Variants in SLC9A9 observed in about 807,000 individuals in gnomAD.
SLC9A9 encodes sodium/hydrogen exchanger 9.
SLC9A9 carries 62 observed loss-of-function variants against 77.8 expected under a neutral mutation model. The observed-to-expected ratio is 0.80, with a 90% CI of 0.65 to 0.98. The LOEUF (loss-of-function observed/expected upper bound fraction) is 0.98, where lower values mean the gene tolerates loss of function less well. Among genes scored for constraint, SLC9A9 ranks in the 50% least tolerant of loss-of-function variants. The pLI, the probability that SLC9A9 is intolerant of heterozygous loss-of-function variation, is 0.00. For synonymous variants in SLC9A9, 320 were observed against 283.5 expected (o/e 1.13, Z -1.29); for missense variants, 775 against 774.9 (o/e 1.00, Z 0.00).
In SLC9A9 at chr3:143,785,845, CTTTTTTTTT is replaced by C. The variant is rs57552730; in HGVS notation, c.533+9147_533+9155del. On this transcript the variant is annotated intron_variant, in intron 4 of 15. Coordinates refer to ENST00000316549, the MANE Select transcript of SLC9A9 (RefSeq NM_173653.4). ...GAGTAATTCTAAGACTTGAATTTTT[CTTTTTTTTT>C]TTTTTTTTTTTTTTTTTTTTGAGAC... Among the ~76,000 whole-genome samples, 777 of 112,926 alleles carry C rather than the reference CTTTTTTTTT, an allele frequency of 6.9e-3. 30 individuals are homozygous for C. Among genetic ancestry groups the C allele is most frequent in the African/African-American group, 0.022 (719 of 33,036 alleles). The allele number at this position is 112,926 out of a possible 152,430, so 74.1% of individuals were successfully genotyped here.
chr3:143,517,143 C>G (rs2036214732), intron 9 of SLC9A9: 1 of 1,557,872 alleles, frequency 6.4e-7, no homozygotes, highest in African/African-American at 1.4e-5. Context: ...CCAAATTTGG[C>G]TGACAATTTA....
chr3:143,693,086 A>G (rs1933524870), intron 5 of SLC9A9, 106 bp downstream of exon 5: 1 of 851,666 alleles, frequency 1.2e-6, no homozygotes, highest in Non-Finnish European at 1.9e-6. Context: ...AGGTGAAGAA[A>G]AATAGAAATT....
chr3:143,791,614 TC>T (rs2108855385), intron 4 of SLC9A9, among the ~76,000 whole-genome samples: 1 of 152,344 alleles, frequency 6.6e-6, no homozygotes, highest in African/African-American at 2.4e-5. Context: ...TGCACAACGT[TC>T]CTGGCACCCA....
intron 9 of SLC9A9, among the ~76,000 whole-genome samples, chr3:143,543,640 T>C (rs2036730309): frequency 6.6e-6 from 1 of 152,122 alleles, no homozygotes; most frequent in African/African-American, 2.4e-5. Flanking sequence ...GAACATGTGG[T>C]ATTTGGTTTT....
intron 14 of SLC9A9, among the ~76,000 whole-genome samples, chr3:143,336,998 C>G (rs2031946345): frequency 6.6e-6 from 1 of 152,064 alleles, no homozygotes; most frequent in Non-Finnish European, 1.5e-5. Context: ...TGGCAGGGAC[C>G]ATGGTTTGCT....
chr3:143,286,378 A>C (rs1330917397), intron 14 of SLC9A9, among the ~76,000 whole-genome samples: 2 of 152,198 alleles, frequency 1.3e-5, no homozygotes, highest in African/African-American at 2.4e-5. Flanking sequence ...ACCTTCCTGC[A>C]GATTTGGAGA....
At chr3:143,349,493 C>G (rs564866021) in intron 14 of SLC9A9, among the ~76,000 whole-genome samples, 1 of 152,294 alleles carries the variant, frequency 6.6e-6, no homozygotes, top group East Asian at 1.9e-4. Flanking sequence ...TTTCTAGGCC[C>G]TATGCTATGT....
intron 12 of SLC9A9, among the ~76,000 whole-genome samples, chr3:143,449,777 AT>A (rs2034947626): frequency 1.2e-5 from 1 of 86,408 alleles, no homozygotes; most frequent in Non-Finnish European, 2.0e-5. Flanking sequence ...AATTATATAT[AT>A]TTATATATAA....
chr3:143,414,895 C>T (rs1400689031), intron 12 of SLC9A9, among the ~76,000 whole-genome samples: 1 of 152,152 alleles, frequency 6.6e-6, no homozygotes, highest in Non-Finnish European at 1.5e-5. Context: ...GCCTCTTACA[C>T]CAAACAGCCA....
intron 12 of SLC9A9, among the ~76,000 whole-genome samples, chr3:143,416,331 A>G (rs1039755299): frequency 2.6e-5 from 4 of 152,214 alleles, no homozygotes; most frequent in African/African-American, 7.2e-5. Context: ...ATAAAATTCT[A>G]TCAAGCAGCA....
At chr3:143,780,092 G>A (rs2007822681) in intron 4 of SLC9A9, among the ~76,000 whole-genome samples, 1 of 152,130 alleles carries the variant, frequency 6.6e-6, no homozygotes, top group South Asian at 2.1e-4. Context: ...TTGTAACCTA[G>A]AATAGATACC....
At chr3:143,817,975 A>C (rs962014821) in intron 2 of SLC9A9, among the ~76,000 whole-genome samples, 1 of 152,212 alleles carries the variant, frequency 6.6e-6, no homozygotes, top group Admixed American at 6.5e-5. Flanking sequence ...AGGTTATGAT[A>C]ATAAGTAAGT....
At chr3:143,344,969 T>C (rs539671181) in intron 14 of SLC9A9, among the ~76,000 whole-genome samples, 2 of 152,276 alleles carry the variant, frequency 1.3e-5, no homozygotes, top group South Asian at 2.1e-4. Context: ...GCAGTAAAAC[T>C]GGTAAAAGAT....
intron 4 of SLC9A9, among the ~76,000 whole-genome samples, chr3:143,696,633 A>T (rs1562496): frequency 0.42 from 63,786 of 151,982 alleles, 13,657 homozygotes; most frequent in South Asian, 0.6. Flanking sequence ...TCAAATATTG[A>T]ATATCAATTG....
At chr3:143,360,906 C>T (rs903696603) in intron 14 of SLC9A9, among the ~76,000 whole-genome samples, 7 of 152,150 alleles carry the variant, frequency 4.6e-5, no homozygotes, top group Non-Finnish European at 8.8e-5. Flanking sequence ...TTAATATCTG[C>T]GATTGACACT....
At chr3:143,805,488 T>A (rs1432750609) in intron 2 of SLC9A9, among the ~76,000 whole-genome samples, 1 of 152,204 alleles carries the variant, frequency 6.6e-6, no homozygotes, top group African/African-American at 2.4e-5. Context: ...GTCAGGCCTC[T>A]GAGCCCAAGC....
chr3:143,505,653 T>C (rs906355610), intron 9 of SLC9A9, among the ~76,000 whole-genome samples: 7 of 152,258 alleles, frequency 4.6e-5, no homozygotes, highest in Admixed American at 3.9e-4. Flanking sequence ...TTCATTGTCT[T>C]CTTTTAAACT....
At chr3:143,571,683 G>T (rs2037260574) in intron 8 of SLC9A9, among the ~76,000 whole-genome samples, 1 of 151,948 alleles carries the variant, frequency 6.6e-6, no homozygotes, top group Non-Finnish European at 1.5e-5. Context: ...TCCCCTTTTG[G>T]CTTTGACTGC....
At chr3:143,480,048 T>C (rs2035548331) in intron 11 of SLC9A9, among the ~76,000 whole-genome samples, 1 of 152,244 alleles carries the variant, frequency 6.6e-6, no homozygotes, top group Admixed American at 6.5e-5. Flanking sequence ...TAAGTATTAA[T>C]ATCCCCATTT....
Sources: allele counts gnomAD v4.1 joint callset (sites outside exome capture counted in the v4.1 genomes callset), GRCh38; gene constraint gnomAD v4.1.1; transcripts MANE v1.5; gene names NCBI Gene and HGNC (gene_info 2026-07-23, HGNC 2026-07-21).